MPRIP: variants seen among roughly 807,000 people sequenced by gnomAD.
MPRIP encodes myosin phosphatase Rho-interacting protein.
MPRIP carries 59 observed loss-of-function variants against 234.9 expected under a neutral mutation model. The observed-to-expected ratio is 0.25, with a 90% CI of 0.20 to 0.31. MPRIP has a LOEUF of 0.31. Among genes scored for constraint, MPRIP ranks in the 10% least tolerant of loss-of-function variants. The pLI is 1.00. For missense variants in MPRIP, 2,436 were observed against 3,071.0 expected (o/e 0.79, Z 4.89); for synonymous variants, 1,144 against 1,263.9 (o/e 0.91, Z 2.01).
intron 4 of MPRIP, among the ~76,000 whole-genome samples, chr17:17,129,553 A>C (rs1261234352): frequency 6.6e-6 from 1 of 152,214 alleles, no homozygotes; most frequent in Non-Finnish European, 1.5e-5. Context: ...ATTAAGTTGC[A>C]TAATGGGACT....
intron 1 of MPRIP, among the ~76,000 whole-genome samples, chr17:17,075,350 A>G (rs1255872879): frequency 6.6e-6 from 1 of 151,650 alleles, no homozygotes; most frequent in Non-Finnish European, 1.5e-5. Context: ...TTCATGTCCT[A>G]TTTCCTGGCG....
At chr17:17,135,194 A>G (rs73279626) in intron 5 of MPRIP, among the ~76,000 whole-genome samples, 1,792 of 152,328 alleles carry the variant, frequency 0.012, 42 homozygotes, top group African/African-American at 0.041. Flanking sequence ...TGTTGCCTGG[A>G]TTCTGTGTTT....
intron 3 of MPRIP, chr17:17,096,645 G>A (rs1289152001): frequency 7.3e-6 from 3 of 412,212 alleles, no homozygotes; most frequent in Non-Finnish European, 1.5e-5. Flanking sequence ...GTTGTTGACT[G>A]GGCAGGTTCC....
At position 17,150,181 on chromosome 17, in the gene MPRIP, G is replaced by A. The variant is rs1291114577; in HGVS notation, c.1667G>A (p.Cys556Tyr). 3 of 1,613,698 alleles carry A rather than the reference G, an allele frequency of 1.9e-6. No homozygotes were observed. The highest frequency in any genetic ancestry group is 1.3e-5 in the African/African-American group (1 of 74,916). ...DLDGEIDLSA[C>Y]YDVTEYPVQR... ...GATGGAGAAATTGACTTGTCCGCAT[G>A]TTACGATGTCACAGAGTATCCAGTT... is the stretch of plus-strand genomic sequence containing the variant. The change falls in exon 12 of 24, where the codon TGT becomes TAT. Residue 556 changes from cysteine (C) to tyrosine (Y), a missense_variant. Cys to Tyr is a radical substitution (Grantham distance 194, BLOSUM62 -2). Around this residue, in one of 4 missense-constraint regions of MPRIP, gnomAD observed 1,998 missense variants for 2,520.3 expected, o/e 0.79. Coordinates refer to ENST00000651222, the MANE Select transcript of MPRIP (RefSeq NM_001364716.4).
Position 17,192,582 on chromosome 17 carries a change from A to G in MPRIP, c.*7688A>G, listed in dbSNP as rs944096701. ...TCCCTGGATGTAGCTGATCATTTTT[A>G]TTTTGTAAATATTACCTAACTTTAC... On this transcript the variant is annotated 3_prime_UTR_variant, in exon 24 of 24. Coordinates refer to ENST00000651222, the MANE Select transcript of MPRIP (RefSeq NM_001364716.4). 1.3e-5 allele frequency: 2 copies of G among 151,172 alleles called. No homozygotes were observed. The highest frequency in any genetic ancestry group is 2.9e-5 in the Non-Finnish European group (2 of 67,850). The allele number at this position is 151,172 out of a possible 1,614,324, so 9.4% of individuals were successfully genotyped here.
intron 22 of MPRIP, chr17:17,179,712 G>T: frequency 3.4e-6 from 1 of 292,204 alleles, no homozygotes. Context: ...CCAGAGTGAG[G>T]GGACCAAGTC....
intron 22 of MPRIP, among the ~76,000 whole-genome samples, chr17:17,178,090 T>G (rs1456915050): frequency 1.3e-5 from 2 of 152,022 alleles, no homozygotes; most frequent in African/African-American, 4.8e-5. Context: ...ACCTGGCTAA[T>G]TTTTGTATTT....
At chr17:17,173,556 C>T (rs1304364500) in intron 18 of MPRIP, among the ~76,000 whole-genome samples, 1 of 152,198 alleles carries the variant, frequency 6.6e-6, no homozygotes, top group African/African-American at 2.4e-5. Context: ...TTGTGTAGAG[C>T]CTGGTCCTGG....
intron 23 of MPRIP, chr17:17,180,710 C>T: frequency 6.4e-7 from 1 of 1,557,134 alleles, no homozygotes; most frequent in South Asian, 1.1e-5. Context: ...CTGCTCACAC[C>T]CCCATGGCAA....
chr17:17,043,869 T>G (rs913297156), intron 1 of MPRIP, among the ~76,000 whole-genome samples: 9 of 152,152 alleles, frequency 5.9e-5, no homozygotes, highest in Non-Finnish European at 1.0e-4. Context: ...GGCCATCATC[T>G]CCATCCTCTT....
rs1225161768 is a variant in MPRIP at position 17,190,099 on chromosome 17, G to T, written c.*5205G>T. ...CTCCAGTAGGTAATAGCAGCTGAAC[G>T]TGGGTTTTCCACGGACTTCAGGCTT... On this transcript the variant is annotated 3_prime_UTR_variant, in exon 24 of 24. Coordinates refer to ENST00000651222, the MANE Select transcript of MPRIP (RefSeq NM_001364716.4). The T allele has an allele frequency of 3.3e-5, 5 of 152,266 alleles. No homozygotes were observed. The highest frequency in any genetic ancestry group is 3.3e-4 in the Admixed American group (5 of 15,290). 9.4% of individuals were successfully genotyped at this position (152,266 alleles called of 1,614,324 possible).
intron 5 of MPRIP, among the ~76,000 whole-genome samples, chr17:17,134,209 G>A (rs936321450): frequency 6.6e-6 from 1 of 152,262 alleles, no homozygotes; most frequent in African/African-American, 2.4e-5. Context: ...GTTCCTGCTA[G>A]GGAAGTGGGG....
chr17:17,048,792 A>G (rs1371018803), intron 1 of MPRIP, among the ~76,000 whole-genome samples: 1 of 152,240 alleles, frequency 6.6e-6, no homozygotes. Context: ...AAAGTTCAGC[A>G]TAAAACCTAC....
intron 8 of MPRIP, among the ~76,000 whole-genome samples, chr17:17,143,350 A>C (rs1410307297): frequency 1.3e-5 from 2 of 152,186 alleles, no homozygotes; most frequent in African/African-American, 4.8e-5. Flanking sequence ...ATCCAAAAGA[A>C]AAGGCTGCTC....
At position 17,165,207 on chromosome 17, in the gene MPRIP, G is replaced by C. The variant is rs1418353496; in HGVS notation, c.3616G>C (p.Glu1206Gln). ...CTTGGGGAGCAGCTTAGAGGAAACA[G>C]AAATTAAGCTCCAGGCAAAAGAAGA... ...VALGSSLEETEIKLQAKEEIL... is the reference protein window; with the variant it reads ...VALGSSLEETQIKLQAKEEIL... Residue 1206 changes from glutamate to glutamine, a missense_variant, in exon 16 of 24, where the codon GAA becomes CAA. By Grantham distance (29) the Glu-to-Gln change is conservative. Coordinates refer to ENST00000651222, the MANE Select transcript of MPRIP (RefSeq NM_001364716.4). 1 of 1,304,158 alleles carries C rather than the reference G, an allele frequency of 7.7e-7. No homozygotes were observed. Among genetic ancestry groups the C allele is most frequent in the Admixed American group, 2.3e-5 (1 of 43,576 alleles). 80.8% of individuals were successfully genotyped at this position (1,304,158 alleles called of 1,614,324 possible). A position where few individuals can be genotyped will look rare whatever the true frequency, so the allele number is the denominator to read the frequency against.
intron 19 of MPRIP, among the ~76,000 whole-genome samples, chr17:17,174,963 G>T (rs1019907419): frequency 6.6e-6 from 1 of 152,196 alleles, no homozygotes. Context: ...ACCCCCTGGG[G>T]CTGGGAACAT....
chr17:17,084,648 C>T (rs2089544811), intron 3 of MPRIP, among the ~76,000 whole-genome samples: 1 of 152,244 alleles, frequency 6.6e-6, no homozygotes, highest in Non-Finnish European at 1.5e-5. Context: ...TCCACCAGCA[C>T]CTGCTGCCTC....
Position 17,190,392 on chromosome 17 carries a change from C to T in MPRIP, c.*5498C>T, listed in dbSNP as rs1450265107. 6.6e-6 allele frequency: 1 copy of T among 152,248 alleles called. No homozygotes were observed. The allele number at this position is 152,248 out of a possible 1,614,324, so 9.4% of individuals were successfully genotyped here. On this transcript the variant is annotated 3_prime_UTR_variant, in exon 24 of 24. Transcript: ENST00000651222. The stretch of plus-strand genomic sequence containing the variant: ...CCTTTGTACAGTTCTTGTGTTTACA[C>T]ATTTGGGCCAAACAGCTTTCAGCAA...
intron 16 of MPRIP, chr17:17,168,728 C>T (rs1018049580): frequency 2.7e-5 from 11 of 400,716 alleles, no homozygotes; most frequent in Admixed American, 2.2e-4. Flanking sequence ...TACCTGTGCC[C>T]TTATGTTCCT....
Sources: gnomAD v4.1 joint callset for allele counts (sites outside exome capture counted in the v4.1 genomes callset) on GRCh38, gnomAD v4.1.1 for gene constraint, gnomAD v4.1.1 regional missense constraint, MANE v1.5 for transcripts, NCBI Gene and HGNC (gene_info 2026-07-23, HGNC 2026-07-21) for gene names.